THSD4: variants seen among roughly 807,000 people sequenced by gnomAD.
The protein encoded by THSD4 is thrombospondin type 1 domain containing 4, also known as thrombospondin type-1 domain-containing protein 4.
THSD4 carries 69 observed loss-of-function variants against 119.0 expected under a neutral mutation model. That is an observed-to-expected ratio of 0.58 (90% CI 0.48 to 0.71). THSD4 has a LOEUF of 0.71. THSD4 is among the 30% of genes least tolerant of loss of function. THSD4 has a pLI of 0.00. For synonymous variants in THSD4, 524 were observed against 540.4 expected (o/e 0.97, Z 0.42); for missense variants, 1,393 against 1,391.1 (o/e 1.00, Z -0.02).
intron 6 of THSD4, among the ~76,000 whole-genome samples, chr15:71,296,948 G>A (rs1424801501): frequency 6.6e-6 from 1 of 152,130 alleles, no homozygotes; most frequent in Non-Finnish European, 1.5e-5. Flanking sequence ...GATAACCTGT[G>A]AAATGCTACT....
chr15:71,191,052 ACT>A (rs1354769507), intron 3 of THSD4, among the ~76,000 whole-genome samples: 2 of 151,182 alleles, frequency 1.3e-5, no homozygotes, highest in African/African-American at 4.9e-5. Flanking sequence ...TCTGTTGATC[ACT>A]CTCTCTGTTC....
Position 71,726,633 on chromosome 15 carries a change from A to G in THSD4, c.1358-1916A>G, listed in dbSNP as rs565507630. ...TGGCCATCACAGGTCCACTATGTACATAGCACTTAAAACAGGACCTTCGGC... is the reference window on the plus strand; with the variant it reads ...TGGCCATCACAGGTCCACTATGTACGTAGCACTTAAAACAGGACCTTCGGC... On this transcript the variant is annotated intron_variant, in intron 8 of 17. Transcript: ENST00000261862. 2.5e-4 allele frequency among the ~76,000 whole-genome samples: 38 copies of G among 152,322 alleles called. 1 individual carries two copies. The East Asian group carries it at 3.5e-3, about 14-fold the overall frequency.
At chr15:71,753,240 G>A (rs2053481961) in intron 14 of THSD4, among the ~76,000 whole-genome samples, 1 of 152,106 alleles carries the variant, frequency 6.6e-6, no homozygotes, top group Non-Finnish European at 1.5e-5. Flanking sequence ...TTGAGAGTGG[G>A]CCTTATCAGA....
At chr15:71,723,665 G>A (rs1275812992) in intron 8 of THSD4, among the ~76,000 whole-genome samples, 1 of 152,128 alleles carries the variant, frequency 6.6e-6, no homozygotes, top group Non-Finnish European at 1.5e-5. Flanking sequence ...GAATTAAACT[G>A]AATTAAATGC....
chr15:71,758,419 T>G (rs1182546248), intron 15 of THSD4, among the ~76,000 whole-genome samples: 1 of 152,242 alleles, frequency 6.6e-6, no homozygotes, highest in East Asian at 1.9e-4. Context: ...AATGAAATTG[T>G]GTACATAAAG....
At chr15:71,356,525 T>G (rs1442588653) in intron 6 of THSD4, among the ~76,000 whole-genome samples, 2 of 152,114 alleles carry the variant, frequency 1.3e-5, no homozygotes, top group Non-Finnish European at 2.9e-5. Context: ...TAGTAGGTGC[T>G]AAATCAAAAT....
chr15:71,677,856 T>C (rs1325957174), intron 8 of THSD4, among the ~76,000 whole-genome samples: 1 of 152,180 alleles, frequency 6.6e-6, no homozygotes, highest in Non-Finnish European at 1.5e-5. Flanking sequence ...TGCCCACACC[T>C]GTTTTCCTAC....
At chr15:71,704,707 C>T (rs563144602) in intron 8 of THSD4, among the ~76,000 whole-genome samples, 13 of 152,356 alleles carry the variant, frequency 8.5e-5, no homozygotes, top group African/African-American at 3.1e-4. Context: ...GAACCAGGCA[C>T]TTGGTCCTGG....
chr15:71,231,434 A>C (rs1382302126), intron 4 of THSD4, among the ~76,000 whole-genome samples: 6 of 152,022 alleles, frequency 3.9e-5, no homozygotes, highest in African/African-American at 1.4e-4. Context: ...GCCCTTTAAC[A>C]TCTGAGTGAC....
At chr15:71,399,764 C>G (rs887850518) in intron 6 of THSD4, among the ~76,000 whole-genome samples, 17 of 152,250 alleles carry the variant, frequency 1.1e-4, no homozygotes, top group Admixed American at 8.5e-4. Context: ...CATACTAGAC[C>G]TACTGCATCA....
At chr15:71,227,687 G>A (rs2044029614) in intron 4 of THSD4, among the ~76,000 whole-genome samples, 1 of 152,176 alleles carries the variant, frequency 6.6e-6, no homozygotes, top group Non-Finnish European at 1.5e-5. Context: ...CTCCAGGAAG[G>A]GACGGAATGG....
chr15:71,631,244 G>T (rs2050623705), intron 7 of THSD4, among the ~76,000 whole-genome samples: 1 of 152,170 alleles, frequency 6.6e-6, no homozygotes, highest in Non-Finnish European at 1.5e-5. Context: ...GGTAAGGCCT[G>T]GGCATCAGTA....
intron 3 of THSD4, among the ~76,000 whole-genome samples, chr15:71,198,510 A>G (rs2043739721): frequency 6.6e-6 from 1 of 152,194 alleles, no homozygotes; most frequent in Non-Finnish European, 1.5e-5. Context: ...TTCAGGGGTC[A>G]CCCATTCCTC....
At chr15:71,611,446 T>A (rs1017612592) in intron 7 of THSD4, among the ~76,000 whole-genome samples, 16 of 152,336 alleles carry the variant, frequency 1.1e-4, no homozygotes, top group South Asian at 2.1e-4. Flanking sequence ...AAAACCCCTA[T>A]GCTAATTCTC....
chr15:71,752,299 A>G (rs2053462010), intron 14 of THSD4, among the ~76,000 whole-genome samples: 1 of 152,214 alleles, frequency 6.6e-6, no homozygotes, highest in Admixed American at 6.5e-5. Context: ...CTCTCCAATA[A>G]TGACTTGCAG....
chr15:71,694,014 CAAAA>C (rs35248148), intron 8 of THSD4, among the ~76,000 whole-genome samples: 1 of 141,532 alleles, frequency 7.1e-6, no homozygotes, highest in Non-Finnish European at 1.5e-5. Flanking sequence ...GACCCTGTCT[CAAAA>C]AAAAAAAAGA....
At chr15:71,682,793 T>C (rs1257997311) in intron 8 of THSD4, among the ~76,000 whole-genome samples, 2 of 151,484 alleles carry the variant, frequency 1.3e-5, no homozygotes, top group African/African-American at 4.9e-5. Flanking sequence ...CAGAGTATTT[T>C]GGTTATCATA....
chr15:71,469,166 C>G (rs556700326), intron 7 of THSD4, among the ~76,000 whole-genome samples: 13 of 152,274 alleles, frequency 8.5e-5, no homozygotes, highest in East Asian at 5.8e-4. Context: ...TTTGGGTGTT[C>G]TTCTCAAACA....
At chr15:71,155,788 G>A (rs896526877) in intron 3 of THSD4, among the ~76,000 whole-genome samples, 1 of 152,144 alleles carries the variant, frequency 6.6e-6, no homozygotes, top group African/African-American at 2.4e-5. Flanking sequence ...CGCAGTCACT[G>A]CCAACTGATG....
Sources: gnomAD v4.1 joint callset for allele counts (sites outside exome capture counted in the v4.1 genomes callset) on GRCh38, gnomAD v4.1.1 for gene constraint, MANE v1.5 for transcripts, NCBI Gene and HGNC (gene_info 2026-07-23, HGNC 2026-07-21) for gene names.